Variants in CHAF1B observed in about 807,000 individuals in gnomAD.
The protein encoded by CHAF1B is chromatin assembly factor 1 subunit B.
CHAF1B carries 10 observed loss-of-function variants against 60.7 expected under a neutral mutation model. The observed-to-expected ratio is 0.16, with a 90% CI of 0.10 to 0.28. The LOEUF (loss-of-function observed/expected upper bound fraction) is 0.28, where lower values mean the gene tolerates loss of function less well. Among genes scored for constraint, CHAF1B ranks in the 10% least tolerant of loss-of-function variants. CHAF1B has a pLI of 1.00. For missense variants in CHAF1B, 558 were observed against 708.4 expected (o/e 0.79, Z 2.41); for synonymous variants, 261 against 266.1 (o/e 0.98, Z 0.19).
chr21:36,411,422 T>G lies in CHAF1B; in HGVS notation c.920-41T>G, dbSNP rs760489240. The stretch of plus-strand genomic sequence containing the variant: ...AGCCATTGCACCTGGTCAGAAGCCT[T>G]GTTTCTGTGGTTTTACTTTGTCTCT... On this transcript the variant is annotated intron_variant, in intron 10 of 13. Coordinates refer to ENST00000314103, the MANE Select transcript of CHAF1B (RefSeq NM_005441.3). 1.4e-5 allele frequency: 23 copies of G among 1,606,684 alleles called. No homozygotes were observed. The South Asian group carries it at 2.5e-4, about 18-fold the overall frequency.
intron 12 of CHAF1B, 43 bp from the exon 13 acceptor site, chr21:36,415,252 C>A: frequency 2.6e-6 from 3 of 1,163,244 alleles, no homozygotes. Flanking sequence ...TCCTGTGATA[C>A]TAATGAGCCA....
At chr21:36,406,775 G>T (rs1247295601) in intron 8 of CHAF1B, among the ~76,000 whole-genome samples, 2 of 152,096 alleles carry the variant, frequency 1.3e-5, no homozygotes. Context: ...ACATTGTTAT[G>T]AACCATAATC....
intron 12 of CHAF1B, among the ~76,000 whole-genome samples, chr21:36,414,450 TTC>T (rs943935083): frequency 1.3e-5 from 2 of 152,240 alleles, no homozygotes; most frequent in Non-Finnish European, 2.9e-5. Context: ...TTTACAATTT[TTC>T]TGTTTGTTTT....
At chr21:36,412,414 C>T (rs902651644) in intron 11 of CHAF1B, among the ~76,000 whole-genome samples, 1 of 152,042 alleles carries the variant, frequency 6.6e-6, no homozygotes, top group African/African-American at 2.4e-5. Context: ...GGCTGGAGTG[C>T]AGTGGAACGA....
At chr21:36,386,766 T>G (rs1601553951) in intron 2 of CHAF1B, among the ~76,000 whole-genome samples, 1 of 150,148 alleles carries the variant, frequency 6.7e-6, no homozygotes, top group East Asian at 2.0e-4. Flanking sequence ...CAGGTGGGAG[T>G]GCAGTGGTGC....
At chr21:36,387,798 A>T in intron 3 of CHAF1B, 68 bp downstream of exon 3, 3 of 1,427,016 alleles carry the variant, frequency 2.1e-6, no homozygotes, top group Non-Finnish European at 2.9e-6. Flanking sequence ...TGTGTCAGAT[A>T]GTGAGATTTG....
At chr21:36,399,657 G>C (rs558217922) in intron 7 of CHAF1B, 52 bp downstream of exon 7, 1 of 1,444,414 alleles carries the variant, frequency 6.9e-7, no homozygotes, top group Admixed American at 1.7e-5. Context: ...TGAGACTTAG[G>C]AAGTCATGAG....
chr21:36,412,740 G>A (rs530232750), intron 11 of CHAF1B, 144 bp from the exon 12 acceptor site: 2 of 716,952 alleles, frequency 2.8e-6, no homozygotes, highest in African/African-American at 1.8e-5. Context: ...TGAGTGAGTC[G>A]CTATCACACA....
At chr21:36,401,446 AAT>A (rs1224422061) in intron 7 of CHAF1B, among the ~76,000 whole-genome samples, 8 of 62,464 alleles carry the variant, frequency 1.3e-4, no homozygotes, top group South Asian at 1.2e-3. Flanking sequence ...TATTATACAT[AAT>A]ATATATTTTT....
chr21:36,386,109 A>G lies in CHAF1B; in HGVS notation c.-28A>G. On this transcript the variant is annotated 5_prime_UTR_variant, in exon 2 of 14. Coordinates refer to ENST00000314103, the MANE Select transcript of CHAF1B (RefSeq NM_005441.3). ...GAAGAAGTAGAACGGTGCCCGAGAAACGTTTTTCCCCTTCGAGACTCAGGA... is the reference window on the plus strand; with the variant it reads ...GAAGAAGTAGAACGGTGCCCGAGAAGCGTTTTTCCCCTTCGAGACTCAGGA... 1.2e-6 allele frequency: 2 copies of G among 1,613,134 alleles called. No individual in the cohort carries two copies. The highest frequency in any genetic ancestry group is 3.3e-4 in the Middle Eastern group (2 of 6,050).
chr21:36,412,703 G>A (rs1174981784), intron 11 of CHAF1B, 181 bp from the exon 12 acceptor site: 7 of 626,948 alleles, frequency 1.1e-5, no homozygotes, highest in Non-Finnish European at 1.4e-5. Flanking sequence ...AGGTTGCAGC[G>A]ACTTAGCAAA....
intron 5 of CHAF1B, 57 bp from the exon 6 acceptor site, chr21:36,397,358 G>T: frequency 1.2e-6 from 1 of 817,132 alleles, no homozygotes; most frequent in Non-Finnish European, 1.9e-6. Flanking sequence ...TACTATTTGG[G>T]CTCAAACAGG....
intron 4 of CHAF1B, among the ~76,000 whole-genome samples, chr21:36,393,767 C>T (rs2086113605): frequency 6.6e-6 from 1 of 151,976 alleles, no homozygotes; most frequent in South Asian, 2.1e-4. Context: ...TATAGCTATC[C>T]TTGAAAGTAG....
At chr21:36,388,453 T>G (rs1370024050) in intron 3 of CHAF1B, among the ~76,000 whole-genome samples, 1 of 151,482 alleles carries the variant, frequency 6.6e-6, no homozygotes, top group East Asian at 1.9e-4. Context: ...TGTTAGTAAT[T>G]AATTGGCTTT....
chr21:36,402,559 C>T (rs1481335831), intron 7 of CHAF1B, among the ~76,000 whole-genome samples, 199 bp from the exon 8 acceptor site: 2 of 152,076 alleles, frequency 1.3e-5, no homozygotes, highest in African/African-American at 4.8e-5. Flanking sequence ...CAGTGTTGTA[C>T]AATTATTTGA....
rs59270005 is a variant in CHAF1B, at chr21:36,399,397, T to C, written c.579-124T>C. 10,903 of 757,502 alleles carry C rather than the reference T, an allele frequency of 0.014. 773 individuals are homozygous for C. In the African/African-American group the frequency reaches 0.17, roughly 11 times the overall value. The allele number at this position is 757,502 out of a possible 1,614,324, so 46.9% of individuals were successfully genotyped here. ...CTTAATTACCCAGTTGTGAATATCA[T>C]TGGTAAAAGCTTTTGCAGGCTGAAA... is the stretch of plus-strand genomic sequence containing the variant. On this transcript the variant is annotated intron_variant, in intron 6 of 13. Coordinates refer to ENST00000314103, the MANE Select transcript of CHAF1B (RefSeq NM_005441.3).
chr21:36,399,416 G>A (rs1372067962), intron 6 of CHAF1B, 105 bp from the exon 7 acceptor site: 4 of 902,846 alleles, frequency 4.4e-6, no homozygotes, highest in East Asian at 4.9e-5. Flanking sequence ...GCTTTTGCAG[G>A]CTGAAAACTG....
chr21:36,394,207 G>A (rs12627489), intron 4 of CHAF1B, among the ~76,000 whole-genome samples: 18,924 of 151,912 alleles, frequency 0.12, 1,914 homozygotes, highest in East Asian at 0.45. Context: ...CTCCTGAGTA[G>A]CTGGGTCTGC....
At chr21:36,390,468 C>T (rs181155232) in intron 3 of CHAF1B, among the ~76,000 whole-genome samples, 103 of 152,106 alleles carry the variant, frequency 6.8e-4, no homozygotes, top group African/African-American at 2.1e-3. Context: ...ACGTGGTAAT[C>T]GTAGAGTCAG....
Sources: allele counts gnomAD v4.1 joint callset (sites outside exome capture counted in the v4.1 genomes callset), GRCh38; gene constraint gnomAD v4.1.1; transcripts MANE v1.5; gene names NCBI Gene and HGNC (gene_info 2026-07-23, HGNC 2026-07-21).